The following LHFPL2 variants were observed in gnomAD, a reference collection of about 807,000 sequenced individuals.
The protein encoded by LHFPL2 is LHFPL tetraspan subfamily member 2.
A neutral mutation model predicts 17.5 loss-of-function variants in LHFPL2; 7 were observed. The ratio of observed to expected loss-of-function variants is 0.40; its 90% confidence interval spans 0.23 to 0.75. The LOEUF is 0.75. Ranked by LOEUF, LHFPL2 falls within the 30% of genes least tolerant of loss-of-function variation. The probability of loss-of-function intolerance (pLI) is 0.37; values close to 1 mark genes in which losing one functional copy is unlikely to be tolerated. For synonymous variants in LHFPL2, 134 were observed against 116.2 expected (o/e 1.15, Z -0.99); for missense variants, 241 against 294.8 (o/e 0.82, Z 1.34).
rs932321792 is a variant in LHFPL2 at position 78,509,769 on chromosome 5, G to A, written c.430+15C>T. ...ATCCCTCCATCCCACCGTGCCCGGG[G>A]TCCTGCCTTCTTACCTGCAATTCCT... is the stretch of plus-strand genomic sequence containing the variant. On this transcript the variant is annotated intron_variant, in intron 4 of 4. Coordinates refer to ENST00000380345, the MANE Select transcript of LHFPL2 (RefSeq NM_005779.3). 6.2e-7 allele frequency: 1 copy of A among 1,602,438 alleles called. No homozygotes were observed. Among genetic ancestry groups the A allele is most frequent in the Non-Finnish European group, 8.5e-7 (1 of 1,171,392 alleles).
chr5:78,499,999 A>G (rs977107145), intron 4 of LHFPL2, among the ~76,000 whole-genome samples: 4 of 148,054 alleles, frequency 2.7e-5, no homozygotes, highest in African/African-American at 1.0e-4. Flanking sequence ...AACTGCAAAC[A>G]GCACCAAACC....
At chr5:78,552,805 A>C (rs1756481880) in intron 3 of LHFPL2, among the ~76,000 whole-genome samples, 1 of 152,242 alleles carries the variant, frequency 6.6e-6, no homozygotes, top group African/African-American at 2.4e-5. Flanking sequence ...TTCAGGTATA[A>C]TATTGTCCAA....
intron 4 of LHFPL2, among the ~76,000 whole-genome samples, chr5:78,504,578 G>C (rs143534823): frequency 6.6e-6 from 1 of 152,130 alleles, no homozygotes; most frequent in East Asian, 1.9e-4. Flanking sequence ...GCTGCATTTC[G>C]TATGCCCACC....
At chr5:78,545,769 G>A (rs556005533) in intron 3 of LHFPL2, among the ~76,000 whole-genome samples, 8 of 152,168 alleles carry the variant, frequency 5.3e-5, no homozygotes, top group Non-Finnish European at 8.8e-5. Flanking sequence ...TCAACTGACC[G>A]AAGATAACTT....
rs992213470 is a variant in LHFPL2, at chr5:78,606,373, C to T, written c.-245+25891G>A. ...ACTGTGCTCAGTGCTATTTAATGTA[C>T]AAGACAGAAATTTATTAAATGGCAA... On this transcript the variant is annotated intron_variant, in intron 2 of 4. Transcript: ENST00000380345. Among the ~76,000 whole-genome samples, 4 of 152,098 alleles carry T rather than the reference C, an allele frequency of 2.6e-5. 1 individual carries two copies. The highest frequency in any genetic ancestry group is 2.6e-4 in the Admixed American group (4 of 15,276).
chr5:78,572,944 T>C (rs1757040509), intron 2 of LHFPL2, among the ~76,000 whole-genome samples: 2 of 152,118 alleles, frequency 1.3e-5, no homozygotes, highest in South Asian at 4.1e-4. Context: ...CGGTTCACAA[T>C]AGGGTTTGTG....
intron 2 of LHFPL2, among the ~76,000 whole-genome samples, chr5:78,584,993 G>GTTTTTTTTTTTTTTT (rs1561352310): frequency 1.2e-5 from 1 of 84,758 alleles, no homozygotes; most frequent in African/African-American, 5.0e-5. Context: ...CTGGTGCGCT[G>GTTTTTTTTTTTTTTT]TGTTTTTTTT....
intron 3 of LHFPL2, among the ~76,000 whole-genome samples, chr5:78,550,443 A>T (rs999429089): frequency 1.3e-5 from 2 of 152,154 alleles, no homozygotes; most frequent in African/African-American, 4.8e-5. Context: ...CAGGGCCCAA[A>T]CTCCAAAATA....
At chr5:78,560,200 A>T (rs1756689122) in intron 3 of LHFPL2, among the ~76,000 whole-genome samples, 1 of 152,352 alleles carries the variant, frequency 6.6e-6, no homozygotes, top group Middle Eastern at 3.4e-3. Flanking sequence ...TTCTGAATCA[A>T]ACACTCTACC....
intron 1 of LHFPL2, among the ~76,000 whole-genome samples, chr5:78,645,248 G>C (rs1220521519): frequency 2.0e-5 from 3 of 151,718 alleles, no homozygotes; most frequent in Admixed American, 1.3e-4. Context: ...GAGGTGTATG[G>C]GTTTTTTTTT....
At chr5:78,531,205 C>T (rs1005611996) in intron 3 of LHFPL2, among the ~76,000 whole-genome samples, 4 of 152,188 alleles carry the variant, frequency 2.6e-5, no homozygotes, top group East Asian at 1.9e-4. Context: ...CACCTGAGGT[C>T]GGGAGTTCGA....
intron 4 of LHFPL2, among the ~76,000 whole-genome samples, chr5:78,499,609 A>G (rs1306162362): frequency 6.6e-6 from 1 of 152,252 alleles, no homozygotes. Flanking sequence ...ACTGATATGC[A>G]TTCAAAAGCT....
chr5:78,566,817 A>G (rs1756872313), intron 2 of LHFPL2, among the ~76,000 whole-genome samples: 1 of 152,132 alleles, frequency 6.6e-6, no homozygotes, highest in Non-Finnish European at 1.5e-5. Flanking sequence ...AATTCTAAAC[A>G]TTTCCCACAA....
rs1417919273 is a variant in LHFPL2 at position 78,578,620 on chromosome 5, C to CAG, written c.-244-13751_-244-13750dup. 6.8e-3 allele frequency among the ~76,000 whole-genome samples: 1,024 copies of CAG among 149,690 alleles called. 13 individuals carry two copies. Among genetic ancestry groups the CAG allele is most frequent in the South Asian group, 0.017 (81 of 4,702 alleles). On this transcript the variant is annotated intron_variant, in intron 2 of 4. Transcript: ENST00000380345. The stretch of plus-strand genomic sequence containing the variant: ...ACACACACACACACACACACACACA[C>CAG]AGAGACAGGTCATATGTATTTCAAG...
chr5:78,629,138 CT>C (rs1362783113), intron 2 of LHFPL2, among the ~76,000 whole-genome samples: 1 of 152,168 alleles, frequency 6.6e-6, no homozygotes, highest in Admixed American at 6.5e-5. Context: ...CTATTAACTA[CT>C]TATCCAAAGG....
In LHFPL2 at chr5:78,555,969, T is replaced by C. The variant is rs180923802; in HGVS notation, c.-186+8844A>G. 3.0e-4 allele frequency among the ~76,000 whole-genome samples: 46 copies of C among 152,300 alleles called. 1 individual carries two copies. Among genetic ancestry groups the C allele is most frequent in the African/African-American group, 1.1e-3 (46 of 41,570 alleles). On this transcript the variant is annotated intron_variant, in intron 3 of 4. Transcript: ENST00000380345. The stretch of plus-strand genomic sequence containing the variant: ...CCTCTTCTTCTGACAATAGAAGTTA[T>C]ACCCTGTCTGCCCTGAACAGGCAGA...
chr5:78,528,763 T>C (rs984196919), intron 3 of LHFPL2, among the ~76,000 whole-genome samples: 2 of 152,188 alleles, frequency 1.3e-5, no homozygotes, highest in Non-Finnish European at 2.9e-5. Context: ...GTTTCACAAA[T>C]AGGAAACTGA....
At chr5:78,576,189 G>A (rs868689216) in intron 2 of LHFPL2, among the ~76,000 whole-genome samples, 4 of 152,098 alleles carry the variant, frequency 2.6e-5, no homozygotes, top group Admixed American at 1.3e-4. Flanking sequence ...CAGCTACTCC[G>A]GAGGCTGAGG....
chr5:78,511,715 G>A (rs1755133529), intron 3 of LHFPL2, among the ~76,000 whole-genome samples: 1 of 152,168 alleles, frequency 6.6e-6, no homozygotes, highest in Non-Finnish European at 1.5e-5. Context: ...TCTGCCTGCT[G>A]GCTGACTTCC....
Sources: allele counts gnomAD v4.1 joint callset (sites outside exome capture counted in the v4.1 genomes callset), GRCh38; gene constraint gnomAD v4.1.1; transcripts MANE v1.5; gene names NCBI Gene and HGNC (gene_info 2026-07-23, HGNC 2026-07-21).